The following UACA variants were observed in gnomAD, a reference collection of about 807,000 sequenced individuals.
The protein encoded by UACA is nuclear membrane binding protein.
Under a neutral mutation model 160.5 loss-of-function variants are expected in UACA, and 112 were observed. The observed-to-expected ratio is 0.70, with a 90% CI of 0.60 to 0.82. The LOEUF (loss-of-function observed/expected upper bound fraction) is 0.82. Ranked by LOEUF, UACA falls within the 40% of genes least tolerant of loss-of-function variation. UACA has a pLI of 0.00. For synonymous variants in UACA, 557 were observed against 568.4 expected, an observed-to-expected ratio of 0.98 and a Z score of 0.29; for missense variants, 1,574 against 1,614.6, an observed-to-expected ratio of 0.97 and a Z score of 0.43.
intron 18 of UACA, among the ~76,000 whole-genome samples, chr15:70,659,068 C>G (rs568764209): frequency 1.3e-5 from 2 of 152,262 alleles, no homozygotes; most frequent in Admixed American, 6.5e-5. Context: ...CTCTCTAATA[C>G]AGATTTTCTG....
chr15:70,776,425 C>CT, the UACA span, among the ~76,000 whole-genome samples: 901 of 125,298 alleles, frequency 7.2e-3, 10 homozygotes, highest in African/African-American at 0.012. Context: ...CCTCAAATGT[C>CT]TTTTTTTTTT....
In UACA at chr15:70,668,821, C is replaced by T. The variant is rs189747910; in HGVS notation, c.1863G>A (p.Ala621=). ...EMEGQAKELS[A]KLALSIPAEK... ...CAGCTGGAATGGAAAGGGCCAACTT[C>T]GCTGACAATTCTTTTGCCTGGCCTT... Residue 621 remains alanine, a synonymous_variant, in exon 16 of 19, where the codon GCG becomes GCA. Transcript: ENST00000322954. 6.3e-5 allele frequency: 101 copies of T among 1,613,880 alleles called. 1 individual carries two copies. The Admixed American group carries it at 1.6e-3, about 26-fold the overall frequency.
the UACA span, among the ~76,000 whole-genome samples, chr15:70,769,029 A>G: frequency 1.3e-5 from 2 of 152,126 alleles, no homozygotes; most frequent in Non-Finnish European, 2.9e-5. Context: ...ACTCATGCTA[A>G]CAGAAGAACA....
In UACA at chr15:70,667,280, A is replaced by T; in HGVS notation, c.3404T>A (p.Leu1135Gln). Residue 1135 changes from leucine (L) to glutamine (Q), a missense_variant, in exon 16 of 19, where the codon CTG becomes CAG. Coordinates refer to ENST00000322954, the MANE Select transcript of UACA (RefSeq NM_018003.4). ...CTCGTAACACCTTTGCATACTCTTC[A>T]GTTCTTCCTTTAGATTTTCAATTGT... The part of the protein sequence containing the change: ...NGTIENLKEE[L>Q]KSMQRCYEKE... 1 of 1,612,082 alleles carries T rather than the reference A, an allele frequency of 6.2e-7. No homozygotes were observed. The highest frequency in any genetic ancestry group is 8.5e-7 in the Non-Finnish European group (1 of 1,179,584).
intron 8 of UACA, 137 bp downstream of exon 8, chr15:70,684,128 T>C: frequency 4.4e-6 from 3 of 679,284 alleles, no homozygotes; most frequent in East Asian, 2.8e-5. Context: ...ATCCATGTTG[T>C]AGAGGGAGAT....
intron 1 of UACA, among the ~76,000 whole-genome samples, chr15:70,737,730 A>G (rs1307194272): frequency 1.3e-5 from 2 of 152,180 alleles, no homozygotes; most frequent in African/African-American, 4.8e-5. Context: ...AAAATAAAAT[A>G]AAATAAAAAC....
intron 1 of UACA, among the ~76,000 whole-genome samples, chr15:70,762,362 A>G (rs1299420818): frequency 2.0e-5 from 3 of 152,240 alleles, no homozygotes; most frequent in African/African-American, 7.2e-5. Context: ...AATTACCCCA[A>G]CTAGGTAACT....
chr15:70,745,446 G>GA (rs71152312), intron 1 of UACA, among the ~76,000 whole-genome samples: 72 of 129,444 alleles, frequency 5.6e-4, no homozygotes, highest in African/African-American at 1.9e-3. Context: ...AAAAGAAAAA[G>GA]AAAAAAAAAA....
At chr15:70,676,987 C>T (rs1897321252) in intron 12 of UACA, 121 bp downstream of exon 12, 4 of 736,442 alleles carry the variant, frequency 5.4e-6, no homozygotes, top group Non-Finnish European at 6.6e-6. Context: ...TTTGAATTTC[C>T]CTTTAATAAC....
intron 14 of UACA, 191 bp from the exon 15 acceptor site, chr15:70,671,282 T>C (rs1393901423): frequency 4.3e-5 from 18 of 415,728 alleles, no homozygotes; most frequent in Non-Finnish European, 7.9e-5. Flanking sequence ...TACAATCTAC[T>C]GAACAACAGA....
intron 1 of UACA, among the ~76,000 whole-genome samples, chr15:70,707,196 C>T (rs2140975562): frequency 6.6e-6 from 1 of 152,258 alleles, no homozygotes. Flanking sequence ...AGAACAATCT[C>T]CTCAACAGTG....
At chr15:70,663,472 GT>G (rs1231380925) in intron 17 of UACA, among the ~76,000 whole-genome samples, 8 of 152,130 alleles carry the variant, frequency 5.3e-5, no homozygotes, top group Admixed American at 3.3e-4. Flanking sequence ...GGATCTCAAA[GT>G]AGAAATACCA....
At chr15:70,682,820 C>G in intron 8 of UACA, 25 bp from the exon 9 acceptor site, 1 of 1,542,426 alleles carries the variant, frequency 6.5e-7, no homozygotes, top group East Asian at 2.4e-5. Context: ...AAAAGAGAAA[C>G]AACAAAATGG....
In UACA at chr15:70,677,109, T is replaced by C. The variant is rs745719709; in HGVS notation, c.1031A>G (p.Glu344Gly). ...EVMVADDLES[E>G]REKLKSLLAA... ...GTTTAAAATAAAATGTCACCCTACC[T>C]CGCTTTCCAGATCATCAGCAACCAT... The change falls in exon 12 of 19, where the codon GAG becomes GGG. Residue 344 changes from glutamate to glycine, a missense_variant and splice_region_variant. Physicochemically the swap from Glu to Gly is moderately conservative, Grantham distance 98 (BLOSUM62 -2). Coordinates refer to ENST00000322954, the MANE Select transcript of UACA (RefSeq NM_018003.4). 1 of 1,603,988 alleles carries C rather than the reference T, an allele frequency of 6.2e-7. No individual in the cohort carries two copies. The highest frequency in any genetic ancestry group is 1.1e-5 in the South Asian group (1 of 89,028).
rs532366003 is a variant in UACA, at chr15:70,724,385, C to T, written c.79-24725G>A. 2.6e-5 allele frequency among the ~76,000 whole-genome samples: 4 copies of T among 152,096 alleles called. No individual in the cohort carries two copies. In the South Asian group the frequency reaches 8.3e-4, roughly 32 times the overall value. On this transcript the variant is annotated intron_variant, in intron 1 of 18. Transcript: ENST00000322954. ...TAACCCATACTCACAGAAAAAGTTACACCCTTCAGAGAAGAAACTTTAAGA... is the reference window on the plus strand; with the variant it reads ...TAACCCATACTCACAGAAAAAGTTATACCCTTCAGAGAAGAAACTTTAAGA...
chr15:70,748,092 G>A (rs1053867328), intron 1 of UACA, among the ~76,000 whole-genome samples: 3 of 152,144 alleles, frequency 2.0e-5, no homozygotes, highest in Non-Finnish European at 2.9e-5. Context: ...AAGCTAGGCT[G>A]ACACTGGACC....
chr15:70,691,634 T>G (rs369738658), intron 3 of UACA, among the ~76,000 whole-genome samples: 12 of 152,194 alleles, frequency 7.9e-5, no homozygotes, highest in African/African-American at 2.9e-4. Flanking sequence ...ATCCCCAGCA[T>G]GTAGAACAGT....
At chr15:70,761,709 T>C (rs1226435462) in intron 1 of UACA, among the ~76,000 whole-genome samples, 10 of 152,238 alleles carry the variant, frequency 6.6e-5, no homozygotes, top group Non-Finnish European at 7.3e-5. Flanking sequence ...ATCTTTATTA[T>C]GTCATTTTGA....
At chr15:70,706,188 T>C (rs2140974734) in intron 1 of UACA, among the ~76,000 whole-genome samples, 2 of 152,218 alleles carry the variant, frequency 1.3e-5, no homozygotes, top group Middle Eastern at 3.4e-3. Flanking sequence ...AATGATCATA[T>C]AAGTTGATAT....
Sources: allele counts gnomAD v4.1 joint callset (sites outside exome capture counted in the v4.1 genomes callset), GRCh38; gene constraint gnomAD v4.1.1; transcripts MANE v1.5; gene names NCBI Gene and HGNC (gene_info 2026-07-23, HGNC 2026-07-21).